The following PRICKLE2 variants were observed in gnomAD, a reference collection of about 807,000 sequenced individuals.
PRICKLE2 encodes prickle planar cell polarity protein 2, also known as prickle-like protein 2.
PRICKLE2 carries 21 observed loss-of-function variants against 81.4 expected under a neutral mutation model. The ratio of observed to expected loss-of-function variants is 0.26; its 90% CI spans 0.18 to 0.37. The LOEUF (loss-of-function observed/expected upper bound fraction) is 0.37, where lower values mean the gene tolerates loss of function less well. PRICKLE2 is among the 10% of genes least tolerant of loss of function. The pLI is 1.00. For missense variants in PRICKLE2, 940 were observed against 1,109.0 expected (o/e 0.85, Z 2.16); for synonymous variants, 456 against 421.5 (o/e 1.08, Z -1.00).
At chr3:64,124,972 G>C (rs751224027) in intron 7 of PRICKLE2, among the ~76,000 whole-genome samples, 15 of 152,080 alleles carry the variant, frequency 9.9e-5, no homozygotes, top group Non-Finnish European at 2.1e-4. Context: ...GATGGATCTG[G>C]GCAAAATAAA....
At chr3:64,150,432 G>C (rs1178302179) in intron 6 of PRICKLE2, among the ~76,000 whole-genome samples, 2 of 151,984 alleles carry the variant, frequency 1.3e-5, no homozygotes, top group Non-Finnish European at 2.9e-5. Context: ...TTCTTTTATT[G>C]CGTTAGGTCT....
At chr3:64,255,517 T>A (rs1170029159) in intron 2 of PRICKLE2, among the ~76,000 whole-genome samples, 1 of 152,166 alleles carries the variant, frequency 6.6e-6, no homozygotes, top group Non-Finnish European at 1.5e-5. Context: ...CTCCTCACAG[T>A]GCTTGACGGC....
intron 2 of PRICKLE2, among the ~76,000 whole-genome samples, chr3:64,197,484 C>T (rs2078478067): frequency 1.3e-5 from 2 of 152,018 alleles, no homozygotes; most frequent in Non-Finnish European, 2.9e-5. Flanking sequence ...ATAGAGTCTA[C>T]ATATTAGACT....
At chr3:64,199,180 C>T (rs1320324277) in intron 1 of PRICKLE2, 1 of 609,648 alleles carries the variant, frequency 1.6e-6, no homozygotes, top group Non-Finnish European at 2.9e-6. Flanking sequence ...AGGTCAGAGG[C>T]CACCAGGTAA....
intron 7 of PRICKLE2, among the ~76,000 whole-genome samples, chr3:64,116,864 G>A (rs573203980): frequency 1.3e-5 from 2 of 152,222 alleles, no homozygotes; most frequent in Admixed American, 6.5e-5. Flanking sequence ...GCATCATCCT[G>A]ATACCAAAAC....
At chr3:64,152,964 G>A (rs2077570670) in intron 6 of PRICKLE2, among the ~76,000 whole-genome samples, 1 of 152,082 alleles carries the variant, frequency 6.6e-6, no homozygotes, top group African/African-American at 2.4e-5. Context: ...GAGATACAGA[G>A]AAAAAAATCG....
At chr3:64,214,579 C>T (rs906038222) in intron 1 of PRICKLE2, among the ~76,000 whole-genome samples, 15 of 152,110 alleles carry the variant, frequency 9.9e-5, no homozygotes, top group Non-Finnish European at 8.8e-5. Flanking sequence ...AGCTACAACT[C>T]GCTTCCTCAT....
chr3:64,211,628 G>T (rs1261087961), intron 1 of PRICKLE2, among the ~76,000 whole-genome samples: 6 of 152,170 alleles, frequency 3.9e-5, no homozygotes, highest in African/African-American at 1.4e-4. Flanking sequence ...ATCTAGAAGG[G>T]TGTTTGGGAG....
At chr3:64,238,488 AAAAAAAAAAAAAG>A (rs990939229) in intron 2 of PRICKLE2, among the ~76,000 whole-genome samples, 42 of 148,538 alleles carry the variant, frequency 2.8e-4, no homozygotes, top group African/African-American at 9.3e-4. Flanking sequence ...TCCGTCTCAA[AAAAAAAAAAAAAG>A]AAAAAAGAAA....
intron 2 of PRICKLE2, chr3:64,187,644 G>A (rs576204698): frequency 6.6e-6 from 1 of 152,236 alleles, no homozygotes; most frequent in Non-Finnish European, 1.5e-5. Context: ...TTTTAGAAGG[G>A]CTATTAGATT....
rs1345969937 is a variant in PRICKLE2, at chr3:64,147,351, C to A, written c.1139G>T (p.Ser380Ile). The change falls in exon 7 of 8, where the codon AGC becomes ATC. Residue 380 changes from serine (S) to isoleucine (I), a missense_variant. By Grantham distance (142) the Ser-to-Ile change is moderately radical. This residue lies in a region of PRICKLE2 where 670 missense variants were observed against 717.2 expected (regional missense o/e 0.93). Coordinates refer to ENST00000638394, the MANE Select transcript of PRICKLE2 (RefSeq NM_198859.4). The surrounding 1 kb of genome is among the most constrained non-coding windows in gnomAD (Gnocchi z 5.0). ...GAGGCTGGGTGTCTGGCTGGACAGG[C>A]TGAGCATGTCCATCTGCAGTGACAG... ...DPLSLQMDML[S>I]LSSQTPSLNR... 2.5e-6 allele frequency: 4 copies of A among 1,614,080 alleles called. No individual in the cohort carries two copies. The highest frequency in any genetic ancestry group is 1.3e-5 in the African/African-American group (1 of 74,948).
chr3:64,196,804 T>C (rs2078462962), intron 2 of PRICKLE2, among the ~76,000 whole-genome samples: 1 of 152,180 alleles, frequency 6.6e-6, no homozygotes, highest in Non-Finnish European at 1.5e-5. Flanking sequence ...ACTCGGATGA[T>C]TCGGTATAAT....
At chr3:64,191,991 A>C (rs542093484) in intron 2 of PRICKLE2, among the ~76,000 whole-genome samples, 2 of 152,326 alleles carry the variant, frequency 1.3e-5, no homozygotes, top group South Asian at 4.1e-4. Context: ...GGTTTGCTAA[A>C]TGCAGCCGTT....
At chr3:64,137,385 G>T (rs2077294041) in intron 7 of PRICKLE2, among the ~76,000 whole-genome samples, 1 of 152,106 alleles carries the variant, frequency 6.6e-6, no homozygotes, top group Non-Finnish European at 1.5e-5. Context: ...ACCACTGCTG[G>T]CCTCCACCCT....
intron 7 of PRICKLE2, among the ~76,000 whole-genome samples, chr3:64,112,773 T>C (rs2106954897): frequency 6.6e-6 from 1 of 152,244 alleles, no homozygotes; most frequent in East Asian, 1.9e-4. Flanking sequence ...AGACAAGGCC[T>C]AATATACAGA....
chr3:64,189,223 A>G (rs2078289795), intron 2 of PRICKLE2, among the ~76,000 whole-genome samples: 4 of 152,204 alleles, frequency 2.6e-5, no homozygotes, highest in Admixed American at 2.0e-4. Context: ...AAGGATAAAC[A>G]GAGATTGTCG....
chr3:64,225,959 T>A (rs1348811998), upstream of PRICKLE2, among the ~76,000 whole-genome samples: 1 of 152,056 alleles, frequency 6.6e-6, no homozygotes, highest in Non-Finnish European at 1.5e-5. Context: ...TGAGACTATG[T>A]CACCTTTGAG....
intron 2 of PRICKLE2, among the ~76,000 whole-genome samples, chr3:64,238,972 T>A (rs2079222005): frequency 6.6e-6 from 1 of 151,736 alleles, no homozygotes; most frequent in South Asian, 2.1e-4. Flanking sequence ...GCCAGGGCAG[T>A]TTTCAGGCTG....
chr3:64,228,859 C>T (rs896903340), upstream of PRICKLE2, among the ~76,000 whole-genome samples: 9 of 152,130 alleles, frequency 5.9e-5, no homozygotes, highest in African/African-American at 2.2e-4. Flanking sequence ...ACCATAATTG[C>T]ATATAGTATA....
Sources: gnomAD v4.1 joint callset for allele counts (sites outside exome capture counted in the v4.1 genomes callset) on GRCh38, gnomAD v4.1.1 for gene constraint, gnomAD v4.1.1 regional missense constraint, Gnocchi (gnomAD v3.1) non-coding constraint, MANE v1.5 for transcripts, NCBI Gene and HGNC (gene_info 2026-07-23, HGNC 2026-07-21) for gene names.